Variants in MDGA2 observed in about 807,000 individuals in gnomAD.
MDGA2 encodes the protein MAM domain containing glycosylphosphatidylinositol anchor 2.
In MDGA2, 40 loss-of-function variants were observed where a neutral mutation model predicts 117.8. The ratio of observed to expected loss-of-function variants is 0.34; its 90% CI spans 0.26 to 0.44. The LOEUF is 0.44. MDGA2 is among the 20% of genes least tolerant of loss of function. MDGA2 has a pLI of 1.00. For synonymous variants in MDGA2, 452 were observed against 439.0 expected (o/e 1.03, Z -0.37); for missense variants, 1,123 against 1,250.6 (o/e 0.90, Z 1.54).
intron 2 of MDGA2, among the ~76,000 whole-genome samples, chr14:47,269,856 A>G (rs572975442): frequency 2.0e-3 from 302 of 152,280 alleles, no homozygotes; most frequent in African/African-American, 6.9e-3. Context: ...CTTTCAACAT[A>G]TGACAAAAGA....
intron 10 of MDGA2, among the ~76,000 whole-genome samples, chr14:46,915,514 C>T (rs182226662): frequency 2.0e-5 from 3 of 152,216 alleles, no homozygotes; most frequent in Admixed American, 6.5e-5. Flanking sequence ...ACTCATTTAC[C>T]AAACAAATCA....
chr14:47,236,594 C>T (rs1346193900), intron 2 of MDGA2, among the ~76,000 whole-genome samples: 1 of 152,102 alleles, frequency 6.6e-6, no homozygotes, highest in Admixed American at 6.5e-5. Flanking sequence ...TCCCTAGTTT[C>T]TGGGCAAAGA....
chr14:47,346,735 A>G lies in MDGA2; in HGVS notation c.281-45185T>C, dbSNP rs971482063. On this transcript the variant is annotated intron_variant, in intron 1 of 16. Transcript: ENST00000399232. ...TTCACTCAAGAAACATTTATTTACC[A>G]TTTATTGTGCCTGCCAGCATTCCAA... Among the ~76,000 whole-genome samples the G allele has an allele frequency of 7.9e-5, 12 of 152,294 alleles. No individual in the cohort carries two copies. In the East Asian group the frequency reaches 1.9e-3, roughly 24 times the overall value.
chr14:47,639,623 C>G (rs142901847), intron 1 of MDGA2, among the ~76,000 whole-genome samples: 135 of 152,248 alleles, frequency 8.9e-4, no homozygotes, highest in Middle Eastern at 6.8e-3. Context: ...ATAAAAAATG[C>G]TATTTTTATT....
At chr14:47,072,535 T>C (rs1485557157) in intron 6 of MDGA2, among the ~76,000 whole-genome samples, 2 of 152,194 alleles carry the variant, frequency 1.3e-5, no homozygotes, top group Non-Finnish European at 2.9e-5. Flanking sequence ...TTTTTGAAAG[T>C]GAAACTATGA....
chr14:46,960,921 TAC>T (rs764445554), intron 8 of MDGA2, among the ~76,000 whole-genome samples: 211 of 143,654 alleles, frequency 1.5e-3, no homozygotes, highest in Non-Finnish European at 2.3e-3. Context: ...GTTTTATATA[TAC>T]ATATATGTGT....
chr14:47,411,407 T>C (rs1301983882), intron 1 of MDGA2, among the ~76,000 whole-genome samples: 1 of 152,150 alleles, frequency 6.6e-6, no homozygotes, highest in Non-Finnish European at 1.5e-5. Flanking sequence ...CTGGACAAAT[T>C]ATCATGCCTA....
At chr14:46,973,768 A>G (rs1188995259) in intron 8 of MDGA2, among the ~76,000 whole-genome samples, 1 of 152,202 alleles carries the variant, frequency 6.6e-6, no homozygotes, top group Non-Finnish European at 1.5e-5. Flanking sequence ...TGCAGATGAT[A>G]GAAAACCATG....
At chr14:47,541,244 A>G (rs1895346459) in intron 1 of MDGA2, among the ~76,000 whole-genome samples, 1 of 152,228 alleles carries the variant, frequency 6.6e-6, no homozygotes, top group Admixed American at 6.5e-5. Context: ...CAAAAGTGGA[A>G]TAAAATGAGC....
At chr14:47,612,596 A>T (rs1034044902) in intron 1 of MDGA2, among the ~76,000 whole-genome samples, 34 of 152,264 alleles carry the variant, frequency 2.2e-4, no homozygotes, top group African/African-American at 8.2e-4. Context: ...AGCATTTATA[A>T]CGTAATTTTT....
chr14:47,406,217 A>C (rs908170188), intron 1 of MDGA2, among the ~76,000 whole-genome samples: 1 of 152,166 alleles, frequency 6.6e-6, no homozygotes, highest in Non-Finnish European at 1.5e-5. Flanking sequence ...TAATAAAACT[A>C]ATAAAATTTT....
At chr14:47,083,673 A>G (rs1033177530) in intron 6 of MDGA2, among the ~76,000 whole-genome samples, 6 of 152,098 alleles carry the variant, frequency 3.9e-5, no homozygotes, top group African/African-American at 1.4e-4. Flanking sequence ...ACTCACCTAT[A>G]TATTATCTAT....
chr14:47,472,708 A>T (rs1194122535), intron 1 of MDGA2, among the ~76,000 whole-genome samples: 2 of 152,094 alleles, frequency 1.3e-5, no homozygotes. Flanking sequence ...CATAGAGGGA[A>T]GGGGTGAAGA....
intron 8 of MDGA2, among the ~76,000 whole-genome samples, chr14:47,028,088 A>C (rs1225540647): frequency 1.3e-5 from 2 of 152,134 alleles, no homozygotes; most frequent in Non-Finnish European, 2.9e-5. Context: ...TATTTATGTA[A>C]ATAAGTGGTA....
chr14:47,399,541 C>A (rs1235116939), intron 1 of MDGA2, among the ~76,000 whole-genome samples: 1 of 152,142 alleles, frequency 6.6e-6, no homozygotes, highest in African/African-American at 2.4e-5. Context: ...TTTAATATGA[C>A]TGAATTAGAT....
At chr14:46,868,241 C>T (rs1388799082) in intron 14 of MDGA2, among the ~76,000 whole-genome samples, 1 of 151,832 alleles carries the variant, frequency 6.6e-6, no homozygotes, top group Non-Finnish European at 1.5e-5. Context: ...CAGCATATAT[C>T]CCTGAATTGC....
chr14:47,522,755 T>G (rs1894896224), intron 1 of MDGA2, among the ~76,000 whole-genome samples: 1 of 152,208 alleles, frequency 6.6e-6, no homozygotes. Flanking sequence ...GAAAACCCAT[T>G]ATTCTCATAC....
intron 1 of MDGA2, among the ~76,000 whole-genome samples, chr14:47,633,557 T>C (rs564912919): frequency 6.6e-6 from 1 of 152,190 alleles, no homozygotes; most frequent in African/African-American, 2.4e-5. Context: ...AATTCATAGG[T>C]AAACATGACA....
intron 1 of MDGA2, among the ~76,000 whole-genome samples, chr14:47,335,886 T>G (rs961056228): frequency 4.6e-5 from 7 of 150,564 alleles, no homozygotes; most frequent in African/African-American, 1.7e-4. Flanking sequence ...AAATGTAGGG[T>G]ATAGGAGAGA....
Sources: gnomAD v4.1 joint callset for allele counts (sites outside exome capture counted in the v4.1 genomes callset) on GRCh38, gnomAD v4.1.1 for gene constraint, MANE v1.5 for transcripts, NCBI Gene and HGNC (gene_info 2026-07-23, HGNC 2026-07-21) for gene names.